Variants in TET3 observed in about 807,000 individuals in gnomAD.
TET3 encodes the protein tet methylcytosine dioxygenase 3, also known as methylcytosine dioxygenase TET3.
Under a neutral mutation model 141.4 loss-of-function variants are expected in TET3, and 19 were observed. That is an observed-to-expected ratio of 0.13 (90% confidence interval 0.09 to 0.20). The LOEUF is 0.20. Among genes scored for constraint, TET3 ranks in the 10% least tolerant of loss-of-function variants. The pLI, the probability that TET3 is intolerant of heterozygous loss-of-function variation, is 1.00. For synonymous variants in TET3, 1,043 were observed against 980.9 expected, an observed-to-expected ratio of 1.06 and a Z score of -1.18; for missense variants, 1,874 against 2,356.9, an observed-to-expected ratio of 0.80 and a Z score of 4.24.
At chr2:74,123,590 G>A in the TET3 span, among the ~76,000 whole-genome samples, 458 of 152,282 alleles carry the variant, frequency 3.0e-3, 3 homozygotes, top group African/African-American at 9.6e-3. Flanking sequence ...GTGCAGTGGC[G>A]TGATCTCGGC....
chr2:74,016,255 A>G (rs1407194894), intron 3 of TET3, among the ~76,000 whole-genome samples: 1 of 151,806 alleles, frequency 6.6e-6, no homozygotes, highest in African/African-American at 2.4e-5. Context: ...GTGTGCTACG[A>G]TCAGGCCACT....
At chr2:74,092,582 T>C (rs984040216) in intron 8 of TET3, among the ~76,000 whole-genome samples, 3 of 152,178 alleles carry the variant, frequency 2.0e-5, no homozygotes, top group African/African-American at 7.2e-5. Flanking sequence ...TGACCTACGG[T>C]GTTCAGCACT....
intron 3 of TET3, among the ~76,000 whole-genome samples, chr2:74,014,041 TTTTTTC>T (rs1238115241): frequency 3.9e-5 from 6 of 152,272 alleles, no homozygotes; most frequent in African/African-American, 1.4e-4. Context: ...ACATTGTATA[TTTTTTC>T]TTTTTCTTCC....
chr2:74,024,877 T>C (rs985958325), intron 3 of TET3, among the ~76,000 whole-genome samples: 1 of 152,172 alleles, frequency 6.6e-6, no homozygotes, highest in Non-Finnish European at 1.5e-5. Flanking sequence ...TTTACTACAT[T>C]TGCTTTATCC....
At position 74,104,465 on chromosome 2, in the gene TET3, A is replaced by G. The variant is rs1412484645; in HGVS notation, c.*2289A>G. The G allele has an allele frequency of 6.6e-6, 1 of 152,194 alleles. No homozygotes were observed. Among genetic ancestry groups the G allele is most frequent in the African/African-American group, 2.4e-5 (1 of 41,448 alleles). 9.4% of individuals were successfully genotyped at this position (152,194 alleles called of 1,614,324 possible). ...TAAATGCTATTTTGCTTATCGCATC[A>G]GTACTTTTATGCAGGTCTCATTTGA... On this transcript the variant is annotated 3_prime_UTR_variant, in exon 12 of 12. Transcript: ENST00000409262.
At position 74,093,088 on chromosome 2, in the gene TET3, T is replaced by A; in HGVS notation, c.3129+97T>A. The stretch of plus-strand genomic sequence containing the variant: ...AGTGGGAGAGTGGGCTCTTTTACTC[T>A]CTTATGGGAAGAGCCTAGTCCAGAA... On this transcript the variant is annotated intron_variant, in intron 9 of 11. Coordinates refer to ENST00000409262, the MANE Select transcript of TET3 (RefSeq NM_001287491.2). The surrounding 1 kb of genome is among the most constrained non-coding windows in gnomAD (Gnocchi z 4.2). 1 of 1,140,460 alleles carries A rather than the reference T, an allele frequency of 8.8e-7. No individual in the cohort carries two copies. Among genetic ancestry groups the A allele is most frequent in the Non-Finnish European group, 1.3e-6 (1 of 785,892 alleles). The allele number at this position is 1,140,460 out of a possible 1,614,324, so 70.6% of individuals were successfully genotyped here.
intron 4 of TET3, among the ~76,000 whole-genome samples, chr2:74,061,233 G>C (rs567725374): frequency 0.032 from 4,562 of 143,326 alleles, 317 homozygotes; most frequent in African/African-American, 0.11. Context: ...GTGGCTGGCC[G>C]GGCGGGGGGC....
chr2:73,988,989 A>AAATTTT (rs1558689017), intron 2 of TET3, among the ~76,000 whole-genome samples: 1 of 128,888 alleles, frequency 7.8e-6, no homozygotes, highest in African/African-American at 3.5e-5. Flanking sequence ...AAAAAAAAAA[A>AAATTTT]GTTTTTTTTG....
At chr2:74,025,787 T>G (rs1208955393) in intron 3 of TET3, among the ~76,000 whole-genome samples, 1 of 152,132 alleles carries the variant, frequency 6.6e-6, no homozygotes, top group Non-Finnish European at 1.5e-5. Context: ...GAGCAGATTC[T>G]CAGTTTTTCC....
intron 2 of TET3, among the ~76,000 whole-genome samples, chr2:73,988,977 G>GA (rs913447605): frequency 0.028 from 2,753 of 96,758 alleles, 136 homozygotes; most frequent in African/African-American, 0.11. Context: ...GCCTCTCTCT[G>GA]AAAAAAAAAA....
intron 3 of TET3, among the ~76,000 whole-genome samples, chr2:74,021,514 C>T (rs1292177458): frequency 6.6e-6 from 1 of 152,228 alleles, no homozygotes; most frequent in Non-Finnish European, 1.5e-5. Flanking sequence ...AGACTACTGT[C>T]CCTGGTCAGC....
chr2:74,118,216 T>C, the TET3 span, among the ~76,000 whole-genome samples: 3 of 152,036 alleles, frequency 2.0e-5, no homozygotes, highest in South Asian at 4.1e-4. Flanking sequence ...AGCACAACGC[T>C]GTAAATCTTG....
intron 3 of TET3, among the ~76,000 whole-genome samples, chr2:74,013,820 A>T (rs1405788960): frequency 6.6e-6 from 1 of 152,168 alleles, no homozygotes. Flanking sequence ...TCAAAAAAAA[A>T]TAGTAATAAT....
rs1687622991 is a variant in TET3 at position 74,046,437 on chromosome 2, TGGC to T, written c.523_525del (p.Arg175del). The T allele has an allele frequency of 6.3e-7, 1 of 1,599,520 alleles. No individual in the cohort carries two copies. Among genetic ancestry groups the T allele is most frequent in the Admixed American group, 1.7e-5 (1 of 59,062 alleles). On this transcript the variant is annotated inframe_deletion, in exon 4 of 12. Coordinates refer to ENST00000409262, the MANE Select transcript of TET3 (RefSeq NM_001287491.2). This position sits in a 1 kb window ranked among gnomAD's most constrained non-coding sequence, Gnocchi z 4.3. Reference sequence around the variant, plus strand: ...CAGTCTGCTGGGGACTGGGGGTCCTTGGCGGGTAGACCAAAAGCCCGACTGGGA... The same window carrying T: ...CAGTCTGCTGGGGACTGGGGGTCCTTGGGTAGACCAAAAGCCCGACTGGGA...
intron 3 of TET3, among the ~76,000 whole-genome samples, chr2:74,011,972 TTTTTGTG>T (rs1205509729): frequency 6.6e-6 from 1 of 152,176 alleles, no homozygotes; most frequent in East Asian, 1.9e-4. Flanking sequence ...TGTTTTTTGT[TTTTTGTG>T]AGACAGGGTC....
intron 3 of TET3, among the ~76,000 whole-genome samples, chr2:74,007,099 T>G (rs757368791): frequency 2.0e-4 from 30 of 152,162 alleles, no homozygotes; most frequent in Non-Finnish European, 4.0e-4. Flanking sequence ...CACAAAACCA[T>G]TGGAAGTAAG....
chr2:74,011,461 T>G (rs1457044231), intron 3 of TET3, among the ~76,000 whole-genome samples: 1 of 152,212 alleles, frequency 6.6e-6, no homozygotes, highest in Non-Finnish European at 1.5e-5. Context: ...CCTAGAGGGC[T>G]TCAGCTTGGC....
chr2:74,049,584 G>A (rs929862252), intron 4 of TET3, among the ~76,000 whole-genome samples: 1 of 152,166 alleles, frequency 6.6e-6, no homozygotes, highest in East Asian at 1.9e-4. Context: ...TGGTGCTGGC[G>A]ATGAGCATAT....
chr2:74,016,788 C>CTTTTTTT (rs1157485325), intron 3 of TET3, among the ~76,000 whole-genome samples: 2 of 122,476 alleles, frequency 1.6e-5, no homozygotes, highest in African/African-American at 6.0e-5. Context: ...GTTCTCCTGT[C>CTTTTTTT]TTTTTTTTTT....
Sources: allele counts gnomAD v4.1 joint callset (sites outside exome capture counted in the v4.1 genomes callset), GRCh38; gene constraint gnomAD v4.1.1; non-coding constraint Gnocchi (gnomAD v3.1); transcripts MANE v1.5; gene names NCBI Gene and HGNC (gene_info 2026-07-23, HGNC 2026-07-21).